The following ZNF704 variants were observed in gnomAD, a reference collection of about 807,000 sequenced individuals.
The protein encoded by ZNF704 is zinc finger protein 704.
In ZNF704, 10 loss-of-function variants were observed where a neutral mutation model predicts 44.7. The observed-to-expected ratio is 0.22, with a 90% CI of 0.14 to 0.38. ZNF704 has a LOEUF of 0.38. Among genes scored for constraint, ZNF704 ranks in the 10% least tolerant of loss-of-function variants. The pLI is 1.00. For synonymous variants in ZNF704, 211 were observed against 207.6 expected, an observed-to-expected ratio of 1.02 and a Z score of -0.14; for missense variants, 390 against 545.5, an observed-to-expected ratio of 0.71 and a Z score of 2.84.
At chr8:80,642,976 T>A in intron 8 of ZNF704, 59 bp downstream of exon 8, 1 of 1,170,912 alleles carries the variant, frequency 8.5e-7, no homozygotes, top group East Asian at 2.8e-5. Flanking sequence ...TCTCTGCTGT[T>A]CTGTTTTACA....
intron 2 of ZNF704, among the ~76,000 whole-genome samples, chr8:80,785,497 T>A (rs1807598820): frequency 6.6e-6 from 1 of 152,186 alleles, no homozygotes. Flanking sequence ...TTCTGCAAGG[T>A]GACTTACCCA....
chr8:80,700,993 C>G (rs1235097106), intron 2 of ZNF704, among the ~76,000 whole-genome samples: 1 of 152,082 alleles, frequency 6.6e-6, no homozygotes, highest in Non-Finnish European at 1.5e-5. Flanking sequence ...GCTAGTACTT[C>G]TGACCTAGAA....
intron 2 of ZNF704, among the ~76,000 whole-genome samples, chr8:80,708,593 T>C (rs1818932611): frequency 1.3e-5 from 2 of 152,274 alleles, no homozygotes; most frequent in Admixed American, 6.5e-5. Flanking sequence ...TAAAAGTGAT[T>C]GTATAGCTAT....
intron 1 of ZNF704, among the ~76,000 whole-genome samples, chr8:80,858,626 G>T (rs112339330): frequency 6.6e-6 from 1 of 151,810 alleles, no homozygotes; most frequent in Non-Finnish European, 1.5e-5. Context: ...CCAGCTGTTC[G>T]GGAGGCTGAG....
chr8:80,672,167 C>T (rs191215245), intron 4 of ZNF704, among the ~76,000 whole-genome samples: 10 of 152,218 alleles, frequency 6.6e-5, no homozygotes, highest in South Asian at 2.1e-4. Context: ...AGGAAAAAGA[C>T]GCTCAATATC....
intron 2 of ZNF704, among the ~76,000 whole-genome samples, chr8:80,704,539 G>A (rs1335246636): frequency 6.6e-6 from 1 of 152,206 alleles, no homozygotes; most frequent in African/African-American, 2.4e-5. Context: ...TCACAGGAAA[G>A]ACCAAGCCAG....
chr8:80,659,067 T>C (rs1230443089), intron 7 of ZNF704, among the ~76,000 whole-genome samples: 8 of 152,252 alleles, frequency 5.3e-5, no homozygotes, highest in Non-Finnish European at 1.2e-4. Flanking sequence ...TCAATTCTTA[T>C]GTACTACTTA....
chr8:80,688,062 G>T (rs6651336), intron 3 of ZNF704, among the ~76,000 whole-genome samples: 5,065 of 152,060 alleles, frequency 0.033, 252 homozygotes, highest in African/African-American at 0.12. Flanking sequence ...GAAATGATTA[G>T]CCCGGCGTGG....
chr8:80,881,467 A>G, the ZNF704 span, among the ~76,000 whole-genome samples: 1 of 152,182 alleles, frequency 6.6e-6, no homozygotes, highest in Non-Finnish European at 1.5e-5. Context: ...ACCCTACAAA[A>G]TATACTATAT....
At chr8:80,879,803 A>T in the ZNF704 span, among the ~76,000 whole-genome samples, 1 of 152,138 alleles carries the variant, frequency 6.6e-6, no homozygotes, top group Non-Finnish European at 1.5e-5. Context: ...ATGTGTAATT[A>T]TTTCCTACTA....
intron 1 of ZNF704, among the ~76,000 whole-genome samples, chr8:80,828,974 T>C (rs943616644): frequency 1.3e-5 from 2 of 152,216 alleles, no homozygotes; most frequent in African/African-American, 4.8e-5. Context: ...AAGAAGATTC[T>C]CTTCCCATAG....
In ZNF704 at chr8:80,758,952, A is replaced by C. The variant is rs73268645; in HGVS notation, c.221+62422T>G. 4.3e-3 allele frequency among the ~76,000 whole-genome samples: 649 copies of C among 152,298 alleles called. 4 individuals are homozygous for C. The highest frequency in any genetic ancestry group is 0.014 in the African/African-American group (594 of 41,560). On this transcript the variant is annotated intron_variant, in intron 2 of 8. Transcript: ENST00000327835. ...TTACAGAATTTGAGTAACTTGCCAA[A>C]GGTTATATAGCAAGTAAGTGGCAAA...
intron 1 of ZNF704, among the ~76,000 whole-genome samples, chr8:80,835,480 A>G (rs1808542980): frequency 6.6e-6 from 1 of 152,128 alleles, no homozygotes; most frequent in African/African-American, 2.4e-5. Context: ...GAGGGGAGAG[A>G]AGGAGGGTAG....
intron 2 of ZNF704, among the ~76,000 whole-genome samples, chr8:80,727,839 T>C (rs1181634240): frequency 6.6e-6 from 1 of 152,230 alleles, no homozygotes; most frequent in East Asian, 1.9e-4. Flanking sequence ...GGAAATGGCA[T>C]TTTATTCAAG....
At chr8:80,644,120 G>A (rs1444379573) in intron 7 of ZNF704, among the ~76,000 whole-genome samples, 2 of 152,148 alleles carry the variant, frequency 1.3e-5, no homozygotes, top group South Asian at 2.1e-4. Flanking sequence ...TCTTCACAAC[G>A]ACCCCACGCA....
intron 2 of ZNF704, among the ~76,000 whole-genome samples, chr8:80,778,997 T>C (rs1485470710): frequency 6.6e-6 from 1 of 152,036 alleles, no homozygotes; most frequent in African/African-American, 2.4e-5. Context: ...CATGTACCCC[T>C]GAACCGAAAA....
intron 2 of ZNF704, among the ~76,000 whole-genome samples, chr8:80,728,757 T>G (rs1025912173): frequency 6.6e-6 from 1 of 152,336 alleles, no homozygotes. Context: ...TCAATAAATC[T>G]GAATCTGAAT....
intron 2 of ZNF704, among the ~76,000 whole-genome samples, chr8:80,699,842 C>T (rs1197164013): frequency 6.6e-6 from 1 of 151,456 alleles, no homozygotes; most frequent in Non-Finnish European, 1.5e-5. Context: ...CCCACCCACT[C>T]TGCCCACTGG....
intron 2 of ZNF704, among the ~76,000 whole-genome samples, chr8:80,806,132 G>A (rs532780259): frequency 6.6e-6 from 1 of 152,326 alleles, no homozygotes; most frequent in Admixed American, 6.5e-5. Context: ...AGTCGTGCAT[G>A]ATGAATCTTA....
Sources: allele counts gnomAD v4.1 joint callset (sites outside exome capture counted in the v4.1 genomes callset), GRCh38; gene constraint gnomAD v4.1.1; transcripts MANE v1.5; gene names NCBI Gene and HGNC (gene_info 2026-07-23, HGNC 2026-07-21).